The following PAK5 variants were observed in gnomAD, a reference collection of about 807,000 sequenced individuals.
PAK5 encodes the protein serine/threonine-protein kinase PAK 5.
PAK5 carries 16 observed loss-of-function variants against 65.9 expected under a neutral mutation model. That is an observed-to-expected ratio of 0.24 (90% CI 0.16 to 0.37). The LOEUF (loss-of-function observed/expected upper bound fraction) is 0.37. PAK5 is among the 10% of genes least tolerant of loss of function. PAK5 has a pLI of 1.00. For missense variants in PAK5, 785 were observed against 903.9 expected (o/e 0.87, Z 1.69); for synonymous variants, 371 against 354.9 (o/e 1.05, Z -0.51).
At chr20:9,649,056 GTATGTTTCA>G (rs1421734612) in intron 2 of PAK5, among the ~76,000 whole-genome samples, 1 of 152,152 alleles carries the variant, frequency 6.6e-6, no homozygotes, top group Non-Finnish European at 1.5e-5. Flanking sequence ...AGCTGTGTAG[GTATGTTTCA>G]GTACAGAAAG....
rs140348112 is a variant in PAK5, at chr20:9,823,559, C to T, written c.-162+15203G>A. Reference sequence around the variant, plus strand: ...CCCCTGCACAATTAATCTTGCCTTCCGCCATGTAAGACGATCGTTTGCTCT... The same window carrying T: ...CCCCTGCACAATTAATCTTGCCTTCTGCCATGTAAGACGATCGTTTGCTCT... On this transcript the variant is annotated intron_variant, in intron 1 of 9. Transcript: ENST00000353224. 5.2e-4 allele frequency among the ~76,000 whole-genome samples: 79 copies of T among 152,294 alleles called. 1 individual carries two copies. The highest frequency in any genetic ancestry group is 3.4e-3 in the Middle Eastern group (1 of 294).
chr20:9,806,812 C>G (rs1460710926), intron 1 of PAK5, among the ~76,000 whole-genome samples: 3 of 152,142 alleles, frequency 2.0e-5, no homozygotes, highest in Non-Finnish European at 4.4e-5. Context: ...TCACCACAAA[C>G]TTATGACTTA....
intron 1 of PAK5, among the ~76,000 whole-genome samples, chr20:9,787,852 T>C (rs2049009422): frequency 6.6e-6 from 1 of 152,042 alleles, no homozygotes; most frequent in African/African-American, 2.4e-5. Flanking sequence ...AGTAAAATAA[T>C]GAGGAAGTGG....
chr20:9,706,269 C>T (rs972579413), intron 2 of PAK5, among the ~76,000 whole-genome samples: 2 of 152,136 alleles, frequency 1.3e-5, no homozygotes, highest in Admixed American at 6.5e-5. Flanking sequence ...ATGCTTAGCA[C>T]GCTTATAAAA....
intron 2 of PAK5, among the ~76,000 whole-genome samples, chr20:9,653,633 C>T (rs2047228784): frequency 6.6e-6 from 1 of 152,218 alleles, no homozygotes; most frequent in African/African-American, 2.4e-5. Context: ...ATTCTGCTCC[C>T]CAGATGTCTA....
At chr20:9,582,535 C>T (rs2045997156) in intron 3 of PAK5, among the ~76,000 whole-genome samples, 1 of 152,136 alleles carries the variant, frequency 6.6e-6, no homozygotes, top group Non-Finnish European at 1.5e-5. Flanking sequence ...CCCTGACTAC[C>T]TGGGTGAGGT....
chr20:9,718,393 C>T (rs1041274432), intron 1 of PAK5, among the ~76,000 whole-genome samples: 18 of 152,058 alleles, frequency 1.2e-4, no homozygotes, highest in African/African-American at 3.9e-4. Flanking sequence ...TGTTGTATTA[C>T]TCACCCTTTC....
At chr20:9,737,622 T>TA (rs1056963054) in intron 1 of PAK5, among the ~76,000 whole-genome samples, 2 of 151,824 alleles carry the variant, frequency 1.3e-5, no homozygotes, top group African/African-American at 2.4e-5. Flanking sequence ...TAGTAATAAT[T>TA]AAAAAAAAGC....
At chr20:9,556,383 A>G (rs913019117) in intron 7 of PAK5, among the ~76,000 whole-genome samples, 4 of 152,258 alleles carry the variant, frequency 2.6e-5, no homozygotes, top group Admixed American at 2.6e-4. Context: ...TTTTAAAACA[A>G]CAAGAAAGAA....
At chr20:9,801,510 G>T (rs1286499495) in intron 1 of PAK5, among the ~76,000 whole-genome samples, 3 of 150,130 alleles carry the variant, frequency 2.0e-5, no homozygotes, top group Non-Finnish European at 4.4e-5. Context: ...TTATATTATA[G>T]ATATACACAC....
At chr20:9,780,026 A>G (rs1174193107) in intron 1 of PAK5, among the ~76,000 whole-genome samples, 2 of 152,078 alleles carry the variant, frequency 1.3e-5, no homozygotes, top group East Asian at 1.9e-4. Context: ...ACATTTCTTT[A>G]AAAAATCTCC....
intron 8 of PAK5, among the ~76,000 whole-genome samples, chr20:9,543,437 C>T (rs1331934014): frequency 6.6e-6 from 1 of 152,138 alleles, no homozygotes; most frequent in East Asian, 1.9e-4. Context: ...TACCTCTTAT[C>T]TGATGAACGT....
chr20:9,644,714 GAGA>G (rs1298616345), intron 2 of PAK5, among the ~76,000 whole-genome samples: 1 of 152,140 alleles, frequency 6.6e-6, no homozygotes, highest in African/African-American at 2.4e-5. Context: ...CTCTCTCAGG[GAGA>G]TGACACTTCC....
chr20:9,659,381 G>A (rs2047313215), intron 2 of PAK5, among the ~76,000 whole-genome samples: 1 of 152,152 alleles, frequency 6.6e-6, no homozygotes, highest in African/African-American at 2.4e-5. Context: ...TTTTCCATCT[G>A]AGGGTCATAT....
chr20:9,806,123 C>A (rs2049229403), intron 1 of PAK5, among the ~76,000 whole-genome samples: 1 of 149,008 alleles, frequency 6.7e-6, no homozygotes, highest in Non-Finnish European at 1.5e-5. Flanking sequence ...CAACAACATG[C>A]CCAGCTAATT....
chr20:9,754,372 G>T (rs1237314993), intron 1 of PAK5, among the ~76,000 whole-genome samples: 1 of 152,064 alleles, frequency 6.6e-6, no homozygotes, highest in East Asian at 1.9e-4. Context: ...GTACTGATTG[G>T]TCGGGTCAGA....
chr20:9,591,432 G>A (rs2046168758), intron 3 of PAK5, among the ~76,000 whole-genome samples: 1 of 151,994 alleles, frequency 6.6e-6, no homozygotes, highest in Non-Finnish European at 1.5e-5. Flanking sequence ...TTCTGTGGGG[G>A]GCAGAATATA....
chr20:9,573,431 G>A (rs1241122419), intron 4 of PAK5, among the ~76,000 whole-genome samples: 1 of 152,034 alleles, frequency 6.6e-6, no homozygotes, highest in Non-Finnish European at 1.5e-5. Flanking sequence ...TGGGGTGGAC[G>A]GGGCATAAAA....
chr20:9,738,132 A>T (rs2048410792), intron 1 of PAK5, among the ~76,000 whole-genome samples: 2 of 151,548 alleles, frequency 1.3e-5, no homozygotes, highest in Non-Finnish European at 2.9e-5. Flanking sequence ...AGAGAGTGAG[A>T]CTCGGTCTCA....
Sources: gnomAD v4.1 joint callset for allele counts (sites outside exome capture counted in the v4.1 genomes callset) on GRCh38, gnomAD v4.1.1 for gene constraint, MANE v1.5 for transcripts, NCBI Gene and HGNC (gene_info 2026-07-23, HGNC 2026-07-21) for gene names.